Variants in ZFHX4 observed in about 807,000 individuals in gnomAD.
ZFHX4 encodes zinc finger homeobox 4, also known as zinc finger homeobox protein 4.
Under a neutral mutation model 267.6 loss-of-function variants are expected in ZFHX4, and 56 were observed. That is an observed-to-expected ratio of 0.21 (90% confidence interval 0.17 to 0.26). ZFHX4 has a LOEUF of 0.26. ZFHX4 is among the 10% of genes least tolerant of loss of function. The pLI, the probability that ZFHX4 is intolerant of heterozygous loss-of-function variation, is 1.00. For synonymous variants in ZFHX4, 1,778 were observed against 1,665.6 expected (o/e 1.07, Z -1.64); for missense variants, 4,332 against 4,420.0 (o/e 0.98, Z 0.56).
intron 5 of ZFHX4, chr8:76,833,992 T>G (rs1184109923): frequency 1.5e-5 from 4 of 260,576 alleles, no homozygotes; most frequent in Non-Finnish European, 3.1e-5. Context: ...GTATGTAGTT[T>G]TTTTTAGATT....
chr8:76,830,088 A>C (rs1811895065), intron 4 of ZFHX4, among the ~76,000 whole-genome samples: 1 of 152,154 alleles, frequency 6.6e-6, no homozygotes, highest in Admixed American at 6.5e-5. Context: ...CAGCTCCATC[A>C]CTTGCTATGG....
intron 3 of ZFHX4, among the ~76,000 whole-genome samples, chr8:76,760,928 CAAAAAAAA>C: frequency 1.6e-5 from 1 of 64,132 alleles, no homozygotes; most frequent in Non-Finnish European, 3.2e-5. Flanking sequence ...GACCCTGCCT[CAAAAAAAA>C]AAAAAAAAAA....
At chr8:76,821,167 C>T (rs899219463) in intron 4 of ZFHX4, among the ~76,000 whole-genome samples, 12 of 152,134 alleles carry the variant, frequency 7.9e-5, no homozygotes, top group Non-Finnish European at 4.4e-5. Flanking sequence ...GCTTCACTCT[C>T]TTCTGCATTA....
At chr8:76,824,873 A>G (rs1330988073) in intron 4 of ZFHX4, among the ~76,000 whole-genome samples, 1 of 152,150 alleles carries the variant, frequency 6.6e-6, no homozygotes, top group African/African-American at 2.4e-5. Flanking sequence ...GGGCCTCACT[A>G]TGATTTTTGT....
At chr8:76,738,647 C>G (rs867201237) in intron 3 of ZFHX4, among the ~76,000 whole-genome samples, 3 of 142,262 alleles carry the variant, frequency 2.1e-5, no homozygotes, top group Admixed American at 7.1e-5. Context: ...TCCTTCCTTC[C>G]TTCTTTCCTT....
chr8:76,782,516 A>AT (rs1234992317), intron 4 of ZFHX4, among the ~76,000 whole-genome samples: 1 of 151,952 alleles, frequency 6.6e-6, no homozygotes, highest in Non-Finnish European at 1.5e-5. Flanking sequence ...ATATGGATTC[A>AT]TTTTTTCTTA....
chr8:76,794,050 C>A (rs1329638969), intron 4 of ZFHX4, among the ~76,000 whole-genome samples: 1 of 152,128 alleles, frequency 6.6e-6, no homozygotes, highest in Non-Finnish European at 1.5e-5. Context: ...AGTATTTTAT[C>A]TTAACAGAAC....
Position 76,851,739 on chromosome 8 carries a change from A to C in ZFHX4, c.4818A>C (p.Ser1606=), listed in dbSNP as rs774638262. The C allele has an allele frequency of 6.2e-7, 1 of 1,614,024 alleles. No homozygotes were observed. The highest frequency in any genetic ancestry group is 2.2e-5 in the East Asian group (1 of 44,856). Residue 1606 remains serine, a synonymous_variant, in exon 10 of 11, where the codon TCA becomes TCC. Transcript: ENST00000651372. ...SICNVAYSQS[S]TLEIHMRSVL... is the part of the protein sequence containing the mutation. The stretch of plus-strand genomic sequence containing the variant: ...GCAATGTTGCATACAGCCAAAGCTC[A>C]ACATTGGAAATCCACATGAGGTCTG...
At chr8:76,794,871 CA>C (rs1478222038) in intron 4 of ZFHX4, among the ~76,000 whole-genome samples, 30 of 139,672 alleles carry the variant, frequency 2.1e-4, no homozygotes, top group Admixed American at 5.0e-4. Flanking sequence ...GCTGGCCTGT[CA>C]TTGTGTGTGT....
intron 5 of ZFHX4, among the ~76,000 whole-genome samples, chr8:76,837,705 T>A (rs572349306): frequency 6.6e-6 from 1 of 152,162 alleles, no homozygotes; most frequent in African/African-American, 2.4e-5. Context: ...GGCACAAAGA[T>A]GGATAAGATA....
chr8:76,863,946 T>C lies in ZFHX4; in HGVS notation c.10232T>C (p.Met3411Thr), dbSNP rs1812953138. ...YEFICRKCQM[M>T]FTDEDAAVNH... ...TTTATATGCAGAAAGTGCCAGATGA[T>C]GTTTACTGATGAAGACGCCGCAGTA... The change falls in exon 11 of 11, where the codon ATG becomes ACG. Residue 3411 changes from methionine (M) to threonine (T), a missense_variant. Physicochemically the swap from Met to Thr is moderately conservative, Grantham distance 81. This residue lies in a region of ZFHX4 where 1,648 missense variants were observed against 1,625.0 expected (regional missense o/e 1.01). Coordinates refer to ENST00000651372, the MANE Select transcript of ZFHX4 (RefSeq NM_024721.5). The C allele has an allele frequency of 6.2e-7, 1 of 1,606,378 alleles. No individual in the cohort carries two copies. Among genetic ancestry groups the C allele is most frequent in the Non-Finnish European group, 8.5e-7 (1 of 1,176,014 alleles).
intron 3 of ZFHX4, among the ~76,000 whole-genome samples, chr8:76,771,688 C>G (rs1252901187): frequency 3.9e-5 from 6 of 152,118 alleles, no homozygotes; most frequent in African/African-American, 2.4e-5. Context: ...TCCCAAAATA[C>G]TGGGATTCAG....
chr8:76,820,826 G>A (rs562227937), intron 4 of ZFHX4, among the ~76,000 whole-genome samples: 3 of 152,264 alleles, frequency 2.0e-5, no homozygotes, highest in African/African-American at 7.2e-5. Flanking sequence ...AGCTAGATAG[G>A]ATTGCTAGCC....
intron 4 of ZFHX4, among the ~76,000 whole-genome samples, chr8:76,784,635 C>A (rs1810640773): frequency 6.6e-6 from 1 of 152,014 alleles, no homozygotes; most frequent in African/African-American, 2.4e-5. Context: ...AGGAACACTG[C>A]AGGGTTACCT....
chr8:76,713,979 A>T (rs1408733844), intron 3 of ZFHX4, among the ~76,000 whole-genome samples: 1 of 152,052 alleles, frequency 6.6e-6, no homozygotes, highest in African/African-American at 2.4e-5. Context: ...AAACAGAGTC[A>T]ATTTGGCACC....
intron 3 of ZFHX4, among the ~76,000 whole-genome samples, chr8:76,747,933 A>AAAAC (rs138245942): frequency 0.012 from 1,838 of 150,936 alleles, 15 homozygotes; most frequent in Non-Finnish European, 0.015. Flanking sequence ...GCTCTATCTC[A>AAAAC]AAACAAACAA....
In ZFHX4 at chr8:76,862,927, G is replaced by T. The variant is rs546243156; in HGVS notation, c.9380-167G>T. ...TAAGAAATATTATAAACACAGGAAA[G>T]CCCCATGTTGAAGTTCTAGGTGGTG... On this transcript the variant is annotated intron_variant, in intron 10 of 10. Transcript: ENST00000651372. Among the ~76,000 whole-genome samples the T allele has an allele frequency of 5.9e-5, 9 of 152,118 alleles. No individual in the cohort carries two copies. The East Asian group carries it at 1.7e-3, about 29-fold the overall frequency.
At chr8:76,816,740 C>T (rs1261198870) in intron 4 of ZFHX4, among the ~76,000 whole-genome samples, 2 of 151,716 alleles carry the variant, frequency 1.3e-5, no homozygotes, top group Non-Finnish European at 2.9e-5. Flanking sequence ...GGATTACAGG[C>T]GCCTGCAACC....
At chr8:76,845,267 C>A (rs927405413) in intron 6 of ZFHX4, among the ~76,000 whole-genome samples, 1 of 152,006 alleles carries the variant, frequency 6.6e-6, no homozygotes, top group Non-Finnish European at 1.5e-5. Flanking sequence ...TTTATATTGT[C>A]ATTTAAATCT....
Sources: allele counts gnomAD v4.1 joint callset (sites outside exome capture counted in the v4.1 genomes callset), GRCh38; gene constraint gnomAD v4.1.1; regional missense constraint gnomAD v4.1.1; transcripts MANE v1.5; gene names NCBI Gene and HGNC (gene_info 2026-07-23, HGNC 2026-07-21).